The following KYAT1 variants were observed in gnomAD, a reference collection of about 807,000 sequenced individuals.
KYAT1 encodes kynurenine--oxoglutarate transaminase 1.
KYAT1 carries 47 observed loss-of-function variants against 52.4 expected under a neutral mutation model. The observed-to-expected ratio is 0.90, with a 90% CI of 0.71 to 1.14. KYAT1 has a LOEUF of 1.14. Ranked by LOEUF, KYAT1 falls within the 50% of genes most tolerant of loss-of-function variation. The pLI is 0.00. For synonymous variants in KYAT1, 212 were observed against 209.6 expected (o/e 1.01, Z -0.10); for missense variants, 480 against 557.9 (o/e 0.86, Z 1.41).
chr9:128,833,764 G>C lies in KYAT1; in HGVS notation c.1185C>G (p.His395Gln). The change falls in exon 12 of 13, where the codon CAC becomes CAG. Residue 395 changes from histidine (H) to glutamine (Q), a missense_variant. Transcript: ENST00000302586. ...CCTTCACAAAACAGAAGCGGATATAGTGGTCAAAGTGCTTCTGATGTGGCA... is the reference window on the plus strand; with the variant it reads ...CCTTCACAAAACAGAAGCGGATATACTGGTCAAAGTGCTTCTGATGTGGCA... ...YSVPHQKHFDHYIRFCFVKDE... is the reference protein window; with the variant it reads ...YSVPHQKHFDQYIRFCFVKDE... 5.0e-6 allele frequency: 8 copies of C among 1,614,238 alleles called. No homozygotes were observed. The highest frequency in any genetic ancestry group is 6.8e-6 in the Non-Finnish European group (8 of 1,180,028).
chr9:128,847,438 G>A, intron 1 of KYAT1: 1 of 1,534,260 alleles, frequency 6.5e-7, no homozygotes, highest in South Asian at 1.2e-5. Flanking sequence ...CTTACAGTCT[G>A]GTGCAAGAAC....
rs541029559 is a variant in KYAT1 at position 128,844,638 on chromosome 9, C to T, written c.53+715G>A. 7.3e-5 allele frequency among the ~76,000 whole-genome samples: 11 copies of T among 151,700 alleles called. No individual in the cohort carries two copies. In the South Asian group the frequency reaches 8.3e-4, roughly 11 times the overall value. On this transcript the variant is annotated intron_variant, in intron 2 of 12. Transcript: ENST00000302586. Reference sequence around the variant, plus strand: ...CTGTGAGGGGGAGGTTGCAGTGAGCCGAGATCATGCCACTGCACTCCAGCC... The same window carrying T: ...CTGTGAGGGGGAGGTTGCAGTGAGCTGAGATCATGCCACTGCACTCCAGCC...
rs371451324 is a variant in KYAT1, at chr9:128,838,115, A to G, written c.374T>C (p.Phe125Ser). The change falls in exon 5 of 13, where the codon TTT (phenylalanine) becomes TCT (serine). Residue 125 changes from phenylalanine (F) to serine (S), a missense_variant. Phe to Ser is a radical substitution (Grantham distance 155). Transcript: ENST00000302586. ...GDEVIIIEPF[F>S]DCYEPMTMMA... ...CATTGTCATGGGCTCGTAGCAGTCA[A>G]AAAAGGGTTCGATGATGATGACCTG... 150 of 1,614,074 alleles carry G rather than the reference A, an allele frequency of 9.3e-5. No homozygotes were observed. Among genetic ancestry groups the G allele is most frequent in the Non-Finnish European group, 1.2e-4 (147 of 1,180,052 alleles).
intron 1 of KYAT1, among the ~76,000 whole-genome samples, chr9:128,853,601 A>G (rs1288578436): frequency 6.6e-6 from 1 of 152,236 alleles, no homozygotes; most frequent in East Asian, 1.9e-4. Context: ...TAAGAAAAAG[A>G]AATTTCCCAT....
At position 128,835,557 on chromosome 9, in the gene KYAT1, A is replaced by G; in HGVS notation, c.966T>C (p.Arg322=). The G allele has an allele frequency of 6.2e-7, 1 of 1,613,674 alleles. No individual in the cohort carries two copies. Among genetic ancestry groups the G allele is most frequent in the Non-Finnish European group, 8.5e-7 (1 of 1,180,018 alleles). Residue 322 remains arginine, a synonymous_variant, in exon 10 of 13, where the codon CGT becomes CGC. Transcript: ENST00000302586. ...GCTTCAGGCCCACTGACTGTAGGCT[A>G]CGTATCATGTGGTCACGGCAGCGCT... is the stretch of plus-strand genomic sequence containing the variant. ...AMQRCRDHMI[R]SLQSVGLKPI... is the part of the protein sequence containing the mutation.
intron 3 of KYAT1, among the ~76,000 whole-genome samples, chr9:128,838,819 C>A (rs539075052): frequency 9.2e-5 from 14 of 152,316 alleles, no homozygotes; most frequent in African/African-American, 2.9e-4. Context: ...TGCTTGCCTC[C>A]ATGAACCTCA....
chr9:128,881,779 A>G (rs940580788), intron 1 of KYAT1, 118 bp downstream of exon 1: 6 of 152,094 alleles, frequency 3.9e-5, no homozygotes, highest in Non-Finnish European at 7.3e-5. Flanking sequence ...ACTCCGTTAT[A>G]CTTAGTAGCA....
intron 1 of KYAT1, among the ~76,000 whole-genome samples, chr9:128,869,450 C>T (rs998189739): frequency 6.6e-6 from 1 of 152,220 alleles, no homozygotes; most frequent in African/African-American, 2.4e-5. Flanking sequence ...CGTGAGCCAC[C>T]GTACCCGGCA....
At chr9:128,861,282 G>A (rs1397190309) in intron 1 of KYAT1, among the ~76,000 whole-genome samples, 1 of 152,112 alleles carries the variant, frequency 6.6e-6, no homozygotes, top group Non-Finnish European at 1.5e-5. Flanking sequence ...ATTGAATCAT[G>A]GGGGCAGTTA....
At chr9:128,864,465 T>C (rs1391371700) in intron 1 of KYAT1, among the ~76,000 whole-genome samples, 1 of 152,096 alleles carries the variant, frequency 6.6e-6, no homozygotes, top group East Asian at 1.9e-4. Flanking sequence ...TATACAGTTT[T>C]GGGAACTGTT....
intron 1 of KYAT1, among the ~76,000 whole-genome samples, chr9:128,872,939 G>T (rs1195602584): frequency 6.6e-6 from 1 of 151,782 alleles, no homozygotes; most frequent in Non-Finnish European, 1.5e-5. Flanking sequence ...AGCCGGGCAT[G>T]GTGGCATGTG....
intron 2 of KYAT1, among the ~76,000 whole-genome samples, chr9:128,843,432 G>A (rs1832562568): frequency 6.7e-6 from 1 of 149,904 alleles, no homozygotes; most frequent in African/African-American, 2.5e-5. Context: ...AGGCTGGAGT[G>A]CAGTGGTGCA....
intron 1 of KYAT1, among the ~76,000 whole-genome samples, chr9:128,877,342 C>T (rs1838187936): frequency 6.6e-6 from 1 of 152,204 alleles, no homozygotes; most frequent in South Asian, 2.1e-4. Context: ...AGGCCCTTTG[C>T]TGAACTCAGA....
chr9:128,850,971 T>C (rs1445219175), intron 1 of KYAT1, among the ~76,000 whole-genome samples: 1 of 152,192 alleles, frequency 6.6e-6, no homozygotes, highest in African/African-American at 2.4e-5. Flanking sequence ...ACAGATTCTT[T>C]TGCTCATGTT....
rs753732675 is a variant in KYAT1 at position 128,845,415 on chromosome 9, G to T, written c.-6-4C>A. ...GCAGCTGTTTGGCCATGGCGAGCTG[G>T]AGACGAACAAGTGGAAGGTCAGAGA... is the stretch of plus-strand genomic sequence containing the variant. On this transcript the variant is annotated splice_region_variant and splice_polypyrimidine_tract_variant and intron_variant, in intron 1 of 12. Coordinates refer to ENST00000302586, the MANE Select transcript of KYAT1 (RefSeq NM_004059.5). 1.9e-6 allele frequency: 3 copies of T among 1,613,704 alleles called. No individual in the cohort carries two copies. Among genetic ancestry groups the T allele is most frequent in the Non-Finnish European group, 1.7e-6 (2 of 1,179,972 alleles).
intron 1 of KYAT1, among the ~76,000 whole-genome samples, chr9:128,865,334 TATATATATATATATA>T (rs1564491572): frequency 0.011 from 27 of 2,458 alleles, 1 homozygote; most frequent in South Asian, 0.03. Flanking sequence ...TATATATATA[TATATATATATATATA>T]TATATATATA....
At chr9:128,838,655 G>A (rs1831572663) in intron 3 of KYAT1, among the ~76,000 whole-genome samples, 1 of 152,192 alleles carries the variant, frequency 6.6e-6, no homozygotes, top group Non-Finnish European at 1.5e-5. Flanking sequence ...CAATCTATAT[G>A]GTCCCAGACT....
rs1329967655 is a variant in KYAT1, at chr9:128,833,006, C to T, written c.*578G>A. 6.5e-6 allele frequency: 1 copy of T among 155,020 alleles called. No homozygotes were observed. Among genetic ancestry groups the T allele is most frequent in the Non-Finnish European group, 1.4e-5 (1 of 69,924 alleles). The allele number at this position is 155,020 out of a possible 1,614,324, so 9.6% of individuals were successfully genotyped here. On this transcript the variant is annotated 3_prime_UTR_variant, in exon 13 of 13. Transcript: ENST00000302586. ...GCCTGGTTGTGCCACTATGTGACTACAGTAACCATTTGTACAAAGTTGTGG... is the reference window on the plus strand; with the variant it reads ...GCCTGGTTGTGCCACTATGTGACTATAGTAACCATTTGTACAAAGTTGTGG...
At chr9:128,855,695 G>C (rs74565400) in intron 1 of KYAT1, among the ~76,000 whole-genome samples, 1 of 152,238 alleles carries the variant, frequency 6.6e-6, no homozygotes. Flanking sequence ...AAGAGAGGGT[G>C]TGTGGATCCC....
Sources: allele counts gnomAD v4.1 joint callset (sites outside exome capture counted in the v4.1 genomes callset), GRCh38; gene constraint gnomAD v4.1.1; transcripts MANE v1.5; gene names NCBI Gene and HGNC (gene_info 2026-07-23, HGNC 2026-07-21).